The following SORBS2 variants were observed in gnomAD, a reference collection of about 807,000 sequenced individuals.
The protein encoded by SORBS2 is sorbin and SH3 domain containing 2.
In SORBS2, 46 loss-of-function variants were observed where a neutral mutation model predicts 97.7. That is an observed-to-expected ratio of 0.47 (90% CI 0.37 to 0.60). The LOEUF is 0.60. Ranked by LOEUF, SORBS2 falls within the 20% of genes least tolerant of loss-of-function variation. The probability of loss-of-function intolerance (pLI) is 0.00; values close to 1 mark genes in which losing one functional copy is unlikely to be tolerated. For synonymous variants in SORBS2, 476 were observed against 473.4 expected (o/e 1.01, Z -0.07); for missense variants, 1,316 against 1,282.3 (o/e 1.03, Z -0.40).
intron 1 of SORBS2, among the ~76,000 whole-genome samples, chr4:185,843,409 G>C (rs955165470): frequency 1.1e-4 from 16 of 152,088 alleles, no homozygotes; most frequent in African/African-American, 3.6e-4. Flanking sequence ...AAATAAAACG[G>C]TTTTTATTCA....
At chr4:185,615,890 G>A (rs978311144) in intron 9 of SORBS2, among the ~76,000 whole-genome samples, 1 of 152,118 alleles carries the variant, frequency 6.6e-6, no homozygotes, top group East Asian at 1.9e-4. Flanking sequence ...AAAATTGTAG[G>A]TATATTTGAT....
intron 4 of SORBS2, among the ~76,000 whole-genome samples, chr4:185,633,117 C>T (rs2096934406): frequency 6.6e-6 from 1 of 152,132 alleles, no homozygotes; most frequent in South Asian, 2.1e-4. Context: ...TGTTAAGTAG[C>T]TATGAGATTA....
chr4:185,769,110 A>AT (rs59600337), intron 2 of SORBS2, among the ~76,000 whole-genome samples: 28 of 151,618 alleles, frequency 1.8e-4, no homozygotes, highest in Admixed American at 1.4e-3. Flanking sequence ...CCTTAGCATG[A>AT]AGGTGTAAGT....
At chr4:185,595,341 A>T (rs1252598951) in intron 12 of SORBS2, among the ~76,000 whole-genome samples, 1 of 152,226 alleles carries the variant, frequency 6.6e-6, no homozygotes, top group Non-Finnish European at 1.5e-5. Context: ...GTAAATCAAT[A>T]TGACTACTAA....
At chr4:185,823,118 C>A (rs1257630275) in intron 1 of SORBS2, among the ~76,000 whole-genome samples, 2 of 152,214 alleles carry the variant, frequency 1.3e-5, no homozygotes, top group Non-Finnish European at 2.9e-5. Flanking sequence ...CTGCCCGCTC[C>A]TTTCCTCTTG....
intron 1 of SORBS2, among the ~76,000 whole-genome samples, chr4:185,832,384 A>G (rs570234316): frequency 1.1e-4 from 16 of 152,306 alleles, no homozygotes; most frequent in African/African-American, 3.6e-4. Flanking sequence ...ATTTACCCTG[A>G]CCAACTATAA....
intron 2 of SORBS2, among the ~76,000 whole-genome samples, chr4:185,747,899 G>A (rs2098773464): frequency 6.6e-6 from 1 of 152,102 alleles, no homozygotes; most frequent in African/African-American, 2.4e-5. Context: ...GCTGAGGCAG[G>A]AGAATCACTT....
In SORBS2 at chr4:185,677,463, T is replaced by C. The variant is rs534549342; in HGVS notation, c.-46+960A>G. The stretch of plus-strand genomic sequence containing the variant: ...AGATTCTTCAGAATATACAATTGTC[T>C]GTCTCGAATCTTCATTGGAATACAT... On this transcript the variant is annotated intron_variant, in intron 4 of 20. Transcript: ENST00000284776. 3 of 1,552,102 alleles carry C rather than the reference T, an allele frequency of 1.9e-6. No individual in the cohort carries two copies. The African/African-American group carries it at 4.1e-5, about 21-fold the overall frequency.
At chr4:185,841,132 C>G (rs1415353541) in intron 1 of SORBS2, among the ~76,000 whole-genome samples, 3 of 152,158 alleles carry the variant, frequency 2.0e-5, no homozygotes, top group South Asian at 2.1e-4. Context: ...AAAGGCCAGG[C>G]CTTTCTCCCT....
intron 1 of SORBS2, among the ~76,000 whole-genome samples, chr4:185,920,212 C>T (rs1417569523): frequency 6.6e-6 from 1 of 152,060 alleles, no homozygotes; most frequent in Non-Finnish European, 1.5e-5. Context: ...CTTGAATGGC[C>T]AGATAAAAAT....
chr4:185,794,036 G>A (rs2099093808), intron 1 of SORBS2, among the ~76,000 whole-genome samples: 2 of 152,000 alleles, frequency 1.3e-5, no homozygotes, highest in South Asian at 4.2e-4. Context: ...CACATACAAA[G>A]GGAAAGTCTG....
At chr4:185,690,753 G>T (rs2098078120) in intron 2 of SORBS2, 142 bp from the exon 4 acceptor site, 3 of 459,612 alleles carry the variant, frequency 6.5e-6, no homozygotes, top group African/African-American at 1.9e-5. Context: ...GTTTAATAAG[G>T]TAGGAAGAAT....
At chr4:185,738,478 G>T (rs192793370) in intron 2 of SORBS2, among the ~76,000 whole-genome samples, 2 of 152,148 alleles carry the variant, frequency 1.3e-5, no homozygotes, top group African/African-American at 4.8e-5. Flanking sequence ...GGCAAGTTTC[G>T]AAATATTTTT....
chr4:185,744,005 C>T (rs1456067964), intron 2 of SORBS2, among the ~76,000 whole-genome samples: 1 of 137,920 alleles, frequency 7.3e-6, no homozygotes, highest in African/African-American at 2.8e-5. Context: ...GTCCCCCTCA[C>T]CTTTCCCCTT....
chr4:185,897,151 C>G (rs568174624), intron 1 of SORBS2, among the ~76,000 whole-genome samples: 156 of 152,322 alleles, frequency 1.0e-3, no homozygotes, highest in African/African-American at 3.6e-3. Context: ...GTCACAGTAA[C>G]CACAACCCCT....
rs747250357 is a variant in SORBS2 at position 185,620,045 on chromosome 4, T to C, written c.2304+18A>G. 1 of 1,466,904 alleles carries C rather than the reference T, an allele frequency of 6.8e-7. No individual in the cohort carries two copies. Among genetic ancestry groups the C allele is most frequent in the South Asian group, 1.1e-5 (1 of 88,210 alleles). The allele number at this position is 1,466,904 out of a possible 1,614,324, so 90.9% of individuals were successfully genotyped here. ...AGTGTGTTGCTGTGAAAGACTCCAA[T>C]GCTATTAAATTAACTACCTCTTTTT... On this transcript the variant is annotated intron_variant, in intron 8 of 14. Transcript: ENST00000418609.
At chr4:185,649,362 A>G (rs981560185) in intron 3 of SORBS2, 105 bp downstream of exon 12, 5 of 925,526 alleles carry the variant, frequency 5.4e-6, no homozygotes, top group Non-Finnish European at 7.8e-6. Flanking sequence ...AAGATTACAC[A>G]TCCGCTCTCT....
At chr4:185,663,093 A>G (rs1191355328) in intron 4 of SORBS2, among the ~76,000 whole-genome samples, 2 of 152,248 alleles carry the variant, frequency 1.3e-5, no homozygotes, top group African/African-American at 4.8e-5. Context: ...GCTCAGGACT[A>G]TTAAGCATGC....
intron 2 of SORBS2, among the ~76,000 whole-genome samples, chr4:185,752,710 T>G (rs987283349): frequency 4.6e-5 from 7 of 152,300 alleles, no homozygotes; most frequent in African/African-American, 1.7e-4. Flanking sequence ...ATAATTCAGA[T>G]AGAATAAGTG....
Sources: allele counts gnomAD v4.1 joint callset (sites outside exome capture counted in the v4.1 genomes callset), GRCh38; gene constraint gnomAD v4.1.1; transcripts MANE v1.5; gene names NCBI Gene and HGNC (gene_info 2026-07-23, HGNC 2026-07-21).